SLC38A1: variants seen among roughly 807,000 people sequenced by gnomAD.
SLC38A1 encodes the protein sodium-coupled neutral amino acid symporter 1.
Under a neutral mutation model 60.3 loss-of-function variants are expected in SLC38A1, and 18 were observed. The ratio of observed to expected loss-of-function variants is 0.30; its 90% CI spans 0.21 to 0.44. The LOEUF is 0.44. Ranked by LOEUF, SLC38A1 falls within the 20% of genes least tolerant of loss-of-function variation. The probability of loss-of-function intolerance (pLI) is 1.00; values close to 1 mark genes in which losing one functional copy is unlikely to be tolerated. For missense variants in SLC38A1, 448 were observed against 587.2 expected, an observed-to-expected ratio of 0.76 and a Z score of 2.45; for synonymous variants, 196 against 212.1, an observed-to-expected ratio of 0.92 and a Z score of 0.66.
chr12:46,250,436 G>A (rs1013751862), intron 1 of SLC38A1, among the ~76,000 whole-genome samples: 15 of 152,182 alleles, frequency 9.9e-5, no homozygotes, highest in African/African-American at 3.6e-4. Flanking sequence ...ACAAGACAGG[G>A]ATGCCCGCTC....
At chr12:46,194,704 T>C (rs1939288633) in intron 16 of SLC38A1, among the ~76,000 whole-genome samples, 1 of 152,222 alleles carries the variant, frequency 6.6e-6, no homozygotes, top group African/African-American at 2.4e-5. Flanking sequence ...TATCCTTTCT[T>C]CCACTTGATC....
chr12:46,231,503 G>A (rs182200583), intron 3 of SLC38A1, among the ~76,000 whole-genome samples: 8 of 152,278 alleles, frequency 5.3e-5, no homozygotes, highest in Admixed American at 3.3e-4. Flanking sequence ...ATATGTTAAG[G>A]ATGCTTTTTG....
intron 3 of SLC38A1, among the ~76,000 whole-genome samples, chr12:46,234,548 C>T (rs907726739): frequency 2.7e-4 from 41 of 151,138 alleles, no homozygotes; most frequent in African/African-American, 9.3e-4. Flanking sequence ...CCTGGGTTCA[C>T]GCCATTCTCC....
chr12:46,196,031 C>T, intron 16 of SLC38A1: 1 of 977,892 alleles, frequency 1.0e-6, no homozygotes, highest in South Asian at 1.5e-5. Context: ...CCATCTTCTA[C>T]ATCGATCTTG....
rs922193218 is a variant in SLC38A1 at position 46,268,991 on chromosome 12, G to A, written c.-674C>T. ...CAGGCCATTCCTCCCCGTCCCGCGC[G>A]CGGTCTCCTCCCCTCCTGTGCGCCC... On this transcript the variant is annotated 5_prime_UTR_variant, in exon 1 of 17. Transcript: ENST00000398637. This position sits in a 1 kb window ranked among gnomAD's most constrained non-coding sequence, Gnocchi z 4.4. The A allele has an allele frequency of 2.6e-6, 1 of 389,912 alleles. No individual in the cohort carries two copies. The highest frequency in any genetic ancestry group is 5.4e-6 in the Non-Finnish European group (1 of 185,612). 24.2% of individuals were successfully genotyped at this position (389,912 alleles called of 1,614,324 possible).
At position 46,239,813 on chromosome 12, in the gene SLC38A1, T is replaced by C; in HGVS notation, c.-13A>G. On this transcript the variant is annotated 5_prime_UTR_variant, in exon 3 of 17. Transcript: ENST00000398637. The stretch of plus-strand genomic sequence containing the variant: ...TGAAATGCATCATGATTAGAAAGTG[T>C]CTGTAGTTTGAAAATTAGTCCAAAT... The C allele has an allele frequency of 1.2e-6, 2 of 1,611,920 alleles. No individual in the cohort carries two copies. Among genetic ancestry groups the C allele is most frequent in the Non-Finnish European group, 1.7e-6 (2 of 1,179,798 alleles).
intron 2 of SLC38A1, 37 bp from the exon 3 acceptor site, chr12:46,239,930 T>C (rs1941390202): frequency 5.4e-6 from 4 of 742,042 alleles, no homozygotes; most frequent in Non-Finnish European, 8.6e-6. Flanking sequence ...ACTAAACATA[T>C]GAAACGCTAC....
At position 46,268,465 on chromosome 12, in the gene SLC38A1, G is replaced by T. The variant is rs141864910; in HGVS notation, c.-209+61C>A. 350 of 155,376 alleles carry T rather than the reference G, an allele frequency of 2.3e-3. 1 individual carries two copies. Among genetic ancestry groups the T allele is most frequent in the African/African-American group, 7.2e-3 (300 of 41,666 alleles). The allele number at this position is 155,376 out of a possible 1,614,324, so 9.6% of individuals were successfully genotyped here. A position where few individuals can be genotyped will look rare whatever the true frequency, so the allele number is the denominator to read the frequency against. Reference sequence around the variant, plus strand: ...TGATTTCTACGTTACCTCCTCCTCCGACATCTAAATCTCCCCTTGCCGCTC... The same window carrying T: ...TGATTTCTACGTTACCTCCTCCTCCTACATCTAAATCTCCCCTTGCCGCTC... On this transcript the variant is annotated intron_variant, in intron 1 of 16. Transcript: ENST00000398637. This position sits in a 1 kb window ranked among gnomAD's most constrained non-coding sequence, Gnocchi z 4.4.
intron 4 of SLC38A1, 26 bp from the exon 5 acceptor site, chr12:46,229,294 C>G: frequency 1.4e-6 from 2 of 1,476,412 alleles, no homozygotes; most frequent in Non-Finnish European, 1.9e-6. Context: ...AACATTGACA[C>G]TAAGCAAAAT....
chr12:46,251,014 C>G (rs1941818602), intron 1 of SLC38A1, among the ~76,000 whole-genome samples: 1 of 152,028 alleles, frequency 6.6e-6, no homozygotes, highest in Non-Finnish European at 1.5e-5. Flanking sequence ...CATATGGAAC[C>G]AAAAAAGAGC....
At chr12:46,256,508 G>A (rs1260330620) in intron 1 of SLC38A1, among the ~76,000 whole-genome samples, 4 of 152,132 alleles carry the variant, frequency 2.6e-5, no homozygotes, top group African/African-American at 7.2e-5. Flanking sequence ...GGCTGCCATT[G>A]TGATGGCAGA....
chr12:46,191,640 GTCCT>G (rs1445016396), intron 16 of SLC38A1, among the ~76,000 whole-genome samples: 2 of 152,064 alleles, frequency 1.3e-5, no homozygotes, highest in African/African-American at 4.8e-5. Flanking sequence ...CCTTGAAGAG[GTCCT>G]TCACATCCCT....
intron 13 of SLC38A1, among the ~76,000 whole-genome samples, chr12:46,199,506 T>C (rs1939551643): frequency 6.6e-6 from 1 of 151,668 alleles, no homozygotes; most frequent in African/African-American, 2.4e-5. Flanking sequence ...TGTGCCACCA[T>C]GCTTGGCTAA....
At chr12:46,262,553 A>G (rs989847729) in intron 1 of SLC38A1, among the ~76,000 whole-genome samples, 5 of 152,230 alleles carry the variant, frequency 3.3e-5, no homozygotes, top group African/African-American at 1.2e-4. Flanking sequence ...AGCCCTTGAG[A>G]AAAATCTCTT....
At chr12:46,223,345 T>C (rs1043152300) in intron 5 of SLC38A1, among the ~76,000 whole-genome samples, 1 of 152,196 alleles carries the variant, frequency 6.6e-6, no homozygotes, top group African/African-American at 2.4e-5. Flanking sequence ...TTAGCCATTA[T>C]TTAGTGACTA....
chr12:46,264,857 C>T (rs1008260599), intron 1 of SLC38A1, among the ~76,000 whole-genome samples: 2 of 152,178 alleles, frequency 1.3e-5, no homozygotes, highest in Non-Finnish European at 2.9e-5. Flanking sequence ...GTCTGTCACA[C>T]ATTCTTCAAA....
chr12:46,192,977 T>G (rs995239850), intron 16 of SLC38A1, among the ~76,000 whole-genome samples: 2 of 152,206 alleles, frequency 1.3e-5, no homozygotes, highest in African/African-American at 4.8e-5. Flanking sequence ...CTGCTAGCTT[T>G]TGAATTTGTT....
intron 5 of SLC38A1, among the ~76,000 whole-genome samples, chr12:46,220,931 T>C (rs558113497): frequency 5.3e-5 from 8 of 152,162 alleles, no homozygotes; most frequent in Non-Finnish European, 1.2e-4. Flanking sequence ...AGCAAGGACT[T>C]AGGGCAACGT....
rs1349629407 is a variant in SLC38A1, at chr12:46,188,080, T to A, written c.*890A>T. On this transcript the variant is annotated 3_prime_UTR_variant, in exon 17 of 17. Coordinates refer to ENST00000398637, the MANE Select transcript of SLC38A1 (RefSeq NM_030674.4). The stretch of plus-strand genomic sequence containing the variant: ...CTCCCTTCAGCAAGACAGGTAGGGT[T>A]GAAGGCTAAATGCATCAGAGGAGTA... 6.6e-6 allele frequency: 1 copy of A among 152,170 alleles called. No homozygotes were observed. Among genetic ancestry groups the A allele is most frequent in the Non-Finnish European group, 1.5e-5 (1 of 68,020 alleles). The allele number at this position is 152,170 out of a possible 1,614,324, so 9.4% of individuals were successfully genotyped here.
Sources: allele counts gnomAD v4.1 joint callset (sites outside exome capture counted in the v4.1 genomes callset), GRCh38; gene constraint gnomAD v4.1.1; non-coding constraint Gnocchi (gnomAD v3.1); transcripts MANE v1.5; gene names NCBI Gene and HGNC (gene_info 2026-07-23, HGNC 2026-07-21).